The following CCDC171 variants were observed in gnomAD, a reference collection of about 807,000 sequenced individuals.
CCDC171 encodes coiled-coil domain containing 171.
A neutral mutation model predicts 168.2 loss-of-function variants in CCDC171; 177 were observed. That is an observed-to-expected ratio of 1.05 (90% confidence interval 0.93 to 1.19). The LOEUF (loss-of-function observed/expected upper bound fraction) is 1.19. Among genes scored for constraint, CCDC171 ranks in the 50% most tolerant of loss-of-function variants. The pLI, the probability that CCDC171 is intolerant of heterozygous loss-of-function variation, is 0.00. For missense variants in CCDC171, 1,991 were observed against 1,539.0 expected (o/e 1.29, Z -4.91); for synonymous variants, 687 against 540.8 (o/e 1.27, Z -3.75).
intron 25 of CCDC171, among the ~76,000 whole-genome samples, chr9:15,946,167 G>A (rs1416242751): frequency 5.3e-5 from 8 of 151,776 alleles, no homozygotes; most frequent in Non-Finnish European, 1.0e-4. Flanking sequence ...TTTTTCTCAG[G>A]TTTGTCAAAG....
intron 10 of CCDC171, among the ~76,000 whole-genome samples, chr9:15,679,515 A>T (rs2049890857): frequency 6.6e-6 from 1 of 151,930 alleles, no homozygotes; most frequent in East Asian, 1.9e-4. Flanking sequence ...GTCTTGCTTT[A>T]GCCATATTAG....
At chr9:15,589,984 C>T (rs2041863011) in intron 4 of CCDC171, among the ~76,000 whole-genome samples, 1 of 152,122 alleles carries the variant, frequency 6.6e-6, no homozygotes, top group Non-Finnish European at 1.5e-5. Context: ...TTGAAAGAGT[C>T]TATTGAATAT....
chr9:15,795,385 AT>A (rs1289823052), intron 21 of CCDC171, among the ~76,000 whole-genome samples: 1 of 152,228 alleles, frequency 6.6e-6, no homozygotes, highest in East Asian at 1.9e-4. Context: ...GGGGATTAAG[AT>A]TTTAACACAT....
the CCDC171 span, among the ~76,000 whole-genome samples, chr9:16,067,197 T>C: frequency 6.6e-6 from 1 of 152,092 alleles, no homozygotes; most frequent in Non-Finnish European, 1.5e-5. Flanking sequence ...TTGATTTGCA[T>C]TTCTCTGATG....
intron 23 of CCDC171, among the ~76,000 whole-genome samples, chr9:15,854,004 GTT>G (rs201544895): frequency 0.017 from 2,292 of 135,654 alleles, 66 homozygotes; most frequent in African/African-American, 0.057. Context: ...GGTTTGCTAG[GTT>G]TTTTTTTTTT....
rs778995366 is a variant in CCDC171 at position 15,745,619 on chromosome 9, A to G, written c.2659A>G (p.Ile887Val). 2 of 1,570,554 alleles carry G rather than the reference A, an allele frequency of 1.3e-6. No homozygotes were observed. The highest frequency in any genetic ancestry group is 1.7e-6 in the Non-Finnish European group (2 of 1,162,550). ...ISSMAELQDV[I>V]GKADPNSRIC... ...TTCTATGGCTGAATTACAAGACGTC[A>G]TTGGTAAAGCAGGTATGGTTCCTTC... Residue 887 changes from isoleucine (I) to valine (V), a missense_variant, in exon 18 of 26, where the codon ATT becomes GTT. Ile to Val is a conservative substitution (Grantham distance 29). Transcript: ENST00000380701.
chr9:16,089,797 T>G, the CCDC171 span, among the ~76,000 whole-genome samples: 8 of 151,386 alleles, frequency 5.3e-5, no homozygotes, highest in Non-Finnish European at 2.9e-5. Flanking sequence ...CTCAAGACAT[T>G]TATGCACTCA....
At chr9:15,710,813 T>G (rs1282313433) in intron 11 of CCDC171, among the ~76,000 whole-genome samples, 1 of 151,352 alleles carries the variant, frequency 6.6e-6, no homozygotes, top group Non-Finnish European at 1.5e-5. Context: ...ACCAGGATGG[T>G]CTTGAACTCC....
the CCDC171 span, among the ~76,000 whole-genome samples, chr9:16,081,451 A>G: frequency 9.1e-4 from 138 of 152,092 alleles, no homozygotes; most frequent in Non-Finnish European, 4.1e-4. Context: ...TTTTTGTTCT[A>G]TGGTTGGGAG....
At chr9:15,906,188 C>A (rs982060065) in intron 24 of CCDC171, among the ~76,000 whole-genome samples, 2 of 152,158 alleles carry the variant, frequency 1.3e-5, no homozygotes, top group Admixed American at 6.5e-5. Context: ...CCAGCATCAT[C>A]CTGATACCAA....
chr9:15,624,490 G>A (rs1434145483), intron 7 of CCDC171, among the ~76,000 whole-genome samples: 3 of 151,920 alleles, frequency 2.0e-5, no homozygotes, highest in African/African-American at 7.3e-5. Context: ...AGGCCCCGGT[G>A]TGTGATGTTC....
chr9:15,812,249 T>C (rs2059387939), intron 21 of CCDC171, among the ~76,000 whole-genome samples: 2 of 152,212 alleles, frequency 1.3e-5, no homozygotes, highest in Non-Finnish European at 2.9e-5. Flanking sequence ...TTATCTTAGA[T>C]GGCTTCAAGG....
At chr9:16,107,730 A>G in the CCDC171 span, among the ~76,000 whole-genome samples, 1 of 152,188 alleles carries the variant, frequency 6.6e-6, no homozygotes, top group African/African-American at 2.4e-5. Context: ...CTTATAAACA[A>G]TGACTTTCTT....
chr9:15,643,947 A>G (rs2046836473), intron 7 of CCDC171, among the ~76,000 whole-genome samples: 1 of 152,130 alleles, frequency 6.6e-6, no homozygotes, highest in Non-Finnish European at 1.5e-5. Context: ...CATTCTATGG[A>G]TTCACAACAT....
intron 2 of CCDC171, among the ~76,000 whole-genome samples, chr9:15,567,088 G>A (rs146192640): frequency 0.013 from 1,896 of 147,674 alleles, 39 homozygotes; most frequent in African/African-American, 0.044. Flanking sequence ...GTGCAGTGGC[G>A]TGATCTCACT....
intron 20 of CCDC171, among the ~76,000 whole-genome samples, chr9:15,781,372 T>TA (rs2057658825): frequency 6.6e-6 from 1 of 152,164 alleles, no homozygotes; most frequent in Non-Finnish European, 1.5e-5. Context: ...AGTGCAGGAA[T>TA]AAAAATAGCA....
rs961133661 is a variant in CCDC171, at chr9:15,895,876, T to G, written c.3600+21213T>G. On this transcript the variant is annotated intron_variant, in intron 24 of 25. Transcript: ENST00000380701. Reference sequence around the variant, plus strand: ...TTCTAAGTCCCTAAAGTAAGGCAATTTATTAGTATTGGTGTTATCATCACT... The same window carrying G: ...TTCTAAGTCCCTAAAGTAAGGCAATGTATTAGTATTGGTGTTATCATCACT... 2.1e-4 allele frequency among the ~76,000 whole-genome samples: 32 copies of G among 152,124 alleles called. 1 individual carries two copies. Among genetic ancestry groups the G allele is most frequent in the African/African-American group, 7.5e-4 (31 of 41,556 alleles).
chr9:16,052,115 A>G (rs763911737), intron 1 of CCDC171, among the ~76,000 whole-genome samples: 3 of 152,156 alleles, frequency 2.0e-5, no homozygotes, highest in Non-Finnish European at 2.9e-5. Context: ...TTGGGTGGGG[A>G]CACAGCCAAA....
intron 25 of CCDC171, among the ~76,000 whole-genome samples, chr9:15,956,268 A>G (rs1423982337): frequency 1.3e-5 from 2 of 152,178 alleles, no homozygotes; most frequent in Admixed American, 1.3e-4. Context: ...CTGGTGTGAA[A>G]TAGTGGGAAA....
Sources: allele counts gnomAD v4.1 joint callset (sites outside exome capture counted in the v4.1 genomes callset), GRCh38; gene constraint gnomAD v4.1.1; transcripts MANE v1.5; gene names NCBI Gene and HGNC (gene_info 2026-07-23, HGNC 2026-07-21).